The following AGPS variants were observed in gnomAD, a reference collection of about 807,000 sequenced individuals.
AGPS encodes the protein alkylglycerone phosphate synthase.
Under a neutral mutation model 90.7 loss-of-function variants are expected in AGPS, and 26 were observed. That is an observed-to-expected ratio of 0.29 (90% confidence interval 0.21 to 0.40). AGPS has a LOEUF of 0.40. AGPS is among the 10% of genes least tolerant of loss of function. AGPS has a pLI of 1.00. For synonymous variants in AGPS, 294 were observed against 285.3 expected (o/e 1.03, Z -0.31); for missense variants, 540 against 816.1 (o/e 0.66, Z 4.12).
At chr2:177,428,596 G>T (rs558657720) in intron 2 of AGPS, among the ~76,000 whole-genome samples, 1 of 152,314 alleles carries the variant, frequency 6.6e-6, no homozygotes, top group African/African-American at 2.4e-5. Flanking sequence ...GGCTGGATAT[G>T]AAATTCTAGG....
Position 177,473,215 on chromosome 2 carries a change from T to C in AGPS, c.1105+4691T>C, listed in dbSNP as rs141418510. Among the ~76,000 whole-genome samples, 160 of 152,330 alleles carry C rather than the reference T, an allele frequency of 1.1e-3. 3 individuals carry two copies. The East Asian group carries it at 0.026, about 25-fold the overall frequency. On this transcript the variant is annotated intron_variant, in intron 10 of 19. Transcript: ENST00000264167. ...CCTTGTATGCTGAAGATCTAGGTCC[T>C]GTGTGGCTTTGTTTTCCTTGTTGAT...
intron 3 of AGPS, among the ~76,000 whole-genome samples, chr2:177,436,441 C>T (rs1686415142): frequency 6.6e-6 from 1 of 152,112 alleles, no homozygotes; most frequent in Non-Finnish European, 1.5e-5. Context: ...TGAGCCACTG[C>T]ACCCGGCCAG....
chr2:177,542,490 C>G lies in AGPS; in HGVS notation c.*4295C>G, dbSNP rs2079245953. On this transcript the variant is annotated 3_prime_UTR_variant, in exon 20 of 20. Transcript: ENST00000264167. The stretch of plus-strand genomic sequence containing the variant: ...ATCACAGAATTTAGTAACTTTAGTT[C>G]TGTGAACATGAAAAGATTTCTTTTT... 1 of 152,130 alleles carries G rather than the reference C, an allele frequency of 6.6e-6. No homozygotes were observed. Among genetic ancestry groups the G allele is most frequent in the Middle Eastern group, 3.2e-3 (1 of 316 alleles). 9.4% of individuals were successfully genotyped at this position (152,130 alleles called of 1,614,324 possible).
intron 5 of AGPS, among the ~76,000 whole-genome samples, chr2:177,437,995 G>A (rs1329585975): frequency 6.6e-6 from 1 of 152,150 alleles, no homozygotes; most frequent in Non-Finnish European, 1.5e-5. Flanking sequence ...TATTAGTTTA[G>A]TATAGAAATT....
At chr2:177,454,525 C>T (rs777672350) in intron 8 of AGPS, among the ~76,000 whole-genome samples, 13 of 151,072 alleles carry the variant, frequency 8.6e-5, no homozygotes, top group Admixed American at 1.3e-4. Context: ...GATTATTCAC[C>T]CCATAATGAT....
intron 19 of AGPS, among the ~76,000 whole-genome samples, chr2:177,526,688 G>A (rs1481035500): frequency 6.6e-6 from 1 of 152,076 alleles, no homozygotes; most frequent in African/African-American, 2.4e-5. Flanking sequence ...AAAACTGATG[G>A]GATTATATTA....
intron 9 of AGPS, among the ~76,000 whole-genome samples, chr2:177,463,811 T>G (rs1346921149): frequency 1.3e-5 from 2 of 152,210 alleles, no homozygotes; most frequent in Non-Finnish European, 2.9e-5. Context: ...CAGCTACATT[T>G]AGCACTGTGA....
At chr2:177,468,580 T>C in intron 10 of AGPS, 56 bp downstream of exon 10, 1 of 1,248,130 alleles carries the variant, frequency 8.0e-7, no homozygotes. Flanking sequence ...TGCAGTTTTG[T>C]GAAAATCTTT....
At chr2:177,512,748 A>G (rs1688911466) in intron 16 of AGPS, among the ~76,000 whole-genome samples, 1 of 152,238 alleles carries the variant, frequency 6.6e-6, no homozygotes, top group African/African-American at 2.4e-5. Context: ...GTCCAGCATA[A>G]CACATTAATA....
chr2:177,517,705 T>C (rs1396788865), intron 17 of AGPS, among the ~76,000 whole-genome samples: 1 of 152,196 alleles, frequency 6.6e-6, no homozygotes, highest in Admixed American at 6.5e-5. Flanking sequence ...GTACAAATAT[T>C]TCCTGTGTAC....
chr2:177,493,128 T>C lies in AGPS; in HGVS notation c.1234-20T>C. The C allele has an allele frequency of 4.4e-6, 7 of 1,604,680 alleles. No individual in the cohort carries two copies. The highest frequency in any genetic ancestry group is 5.1e-6 in the Non-Finnish European group (6 of 1,173,602). The stretch of plus-strand genomic sequence containing the variant: ...TACTGTATTAAATTTGTATCACTTT[T>C]TTTTTTCTTTTTAAAACAGAGATGT... On this transcript the variant is annotated intron_variant, in intron 11 of 19. Transcript: ENST00000264167.
chr2:177,538,248 T>C lies in AGPS; in HGVS notation c.*53T>C. The C allele has an allele frequency of 6.4e-7, 1 of 1,557,444 alleles. No individual in the cohort carries two copies. The highest frequency in any genetic ancestry group is 8.8e-7 in the Non-Finnish European group (1 of 1,130,038). ...TCAATTTTTTTTTTAAGTTTTCAAC[T>C]GTGGTTATACTAGTAATCAAATATA... On this transcript the variant is annotated 3_prime_UTR_variant, in exon 20 of 20. Coordinates refer to ENST00000264167, the MANE Select transcript of AGPS (RefSeq NM_003659.4).
chr2:177,440,347 C>G (rs758033146), intron 5 of AGPS, among the ~76,000 whole-genome samples: 2 of 152,080 alleles, frequency 1.3e-5, no homozygotes, highest in Non-Finnish European at 2.9e-5. Flanking sequence ...TCATGTGCCT[C>G]TAGATGTAAT....
intron 7 of AGPS, among the ~76,000 whole-genome samples, chr2:177,445,288 G>A (rs1334645012): frequency 6.6e-6 from 1 of 152,150 alleles, no homozygotes; most frequent in African/African-American, 2.4e-5. Context: ...GGTAAGAGAA[G>A]GAATTTAAAT....
Position 177,538,495 on chromosome 2 carries a change from T to C in AGPS, c.*300T>C, listed in dbSNP as rs1574042448. 2.6e-6 allele frequency: 1 copy of C among 384,538 alleles called. No homozygotes were observed. Among genetic ancestry groups the C allele is most frequent in the Non-Finnish European group, 4.8e-6 (1 of 207,236 alleles). The allele number at this position is 384,538 out of a possible 1,614,324, so 23.8% of individuals were successfully genotyped here. ...CAGAGGAAGCTGCTGCCAGCTGTTT[T>C]GTATTGTTGCTTCCTCTTGGGGAAC... On this transcript the variant is annotated 3_prime_UTR_variant, in exon 20 of 20. Coordinates refer to ENST00000264167, the MANE Select transcript of AGPS (RefSeq NM_003659.4).
chr2:177,411,592 C>T (rs1387766649), intron 1 of AGPS, among the ~76,000 whole-genome samples: 4 of 152,148 alleles, frequency 2.6e-5, no homozygotes, highest in Non-Finnish European at 5.9e-5. Context: ...GCAGTTATGG[C>T]AGCACTTTTC....
intron 19 of AGPS, 100 bp downstream of exon 19, chr2:177,523,905 T>G: frequency 1.0e-6 from 1 of 997,014 alleles, no homozygotes; most frequent in Non-Finnish European, 1.6e-6. Context: ...AATATGAGAG[T>G]ACTTGAGGTT....
At chr2:177,409,813 C>G (rs1045877054) in intron 1 of AGPS, among the ~76,000 whole-genome samples, 1 of 152,168 alleles carries the variant, frequency 6.6e-6, no homozygotes, top group Non-Finnish European at 1.5e-5. Context: ...TCTACACCTT[C>G]TATTCTGGAA....
intron 1 of AGPS, among the ~76,000 whole-genome samples, chr2:177,419,471 A>G (rs184795687): frequency 2.0e-5 from 3 of 152,002 alleles, no homozygotes; most frequent in East Asian, 3.9e-4. Context: ...AAAGTGATGC[A>G]ATACTTCAGC....
Sources: gnomAD v4.1 joint callset for allele counts (sites outside exome capture counted in the v4.1 genomes callset) on GRCh38, gnomAD v4.1.1 for gene constraint, MANE v1.5 for transcripts, NCBI Gene and HGNC (gene_info 2026-07-23, HGNC 2026-07-21) for gene names.